The following B3GALT1 variants were observed in gnomAD, a reference collection of about 807,000 sequenced individuals.
B3GALT1 encodes the protein beta-1,3-galactosyltransferase 1, also known as UDP-Gal:betaGlcNAc beta 1,3-galactosyltransferase, polypeptide 1.
A neutral mutation model predicts 23.2 loss-of-function variants in B3GALT1; 10 were observed. The observed-to-expected ratio is 0.43, with a 90% CI of 0.27 to 0.73. The LOEUF (loss-of-function observed/expected upper bound fraction) is 0.73, where lower values mean the gene tolerates loss of function less well. Among genes scored for constraint, B3GALT1 ranks in the 30% least tolerant of loss-of-function variants. The pLI, the probability that B3GALT1 is intolerant of heterozygous loss-of-function variation, is 0.21. For synonymous variants in B3GALT1, 156 were observed against 141.5 expected (o/e 1.10, Z -0.73); for missense variants, 299 against 405.4 (o/e 0.74, Z 2.25).
chr2:167,802,581 G>A (rs549636574), intron 3 of B3GALT1, among the ~76,000 whole-genome samples: 107 of 152,178 alleles, frequency 7.0e-4, no homozygotes, highest in Non-Finnish European at 1.1e-3. Context: ...TTTACTTTGG[G>A]GCTAAGCCTA....
chr2:167,490,389 C>T (rs1699691924), intron 2 of B3GALT1, 112 bp downstream of exon 2: 1 of 152,184 alleles, frequency 6.6e-6, no homozygotes, highest in Non-Finnish European at 1.5e-5. Flanking sequence ...TTGCTTATAG[C>T]TTTGTAGTAT....
chr2:167,362,949 G>A (rs752485417), intron 1 of B3GALT1, among the ~76,000 whole-genome samples: 2 of 152,068 alleles, frequency 1.3e-5, no homozygotes, highest in Admixed American at 6.6e-5. Context: ...TCTGCCACAC[G>A]GGTTCAGGTG....
intron 1 of B3GALT1, among the ~76,000 whole-genome samples, chr2:167,406,992 C>G (rs1327183455): frequency 6.6e-6 from 1 of 151,040 alleles, no homozygotes; most frequent in Admixed American, 6.6e-5. Flanking sequence ...ATCTAATAGG[C>G]CAAACTGGCA....
intron 2 of B3GALT1, among the ~76,000 whole-genome samples, chr2:167,511,478 C>G (rs763969442): frequency 6.6e-6 from 1 of 152,126 alleles, no homozygotes; most frequent in Non-Finnish European, 1.5e-5. Flanking sequence ...TGTAAGTTTC[C>G]TGAGGCCTCC....
intron 4 of B3GALT1, among the ~76,000 whole-genome samples, chr2:167,829,188 A>AAAAT (rs777334156): frequency 2.9e-4 from 44 of 152,224 alleles, no homozygotes; most frequent in Non-Finnish European, 5.1e-4. Context: ...ATTTCTAATA[A>AAAAT]AAATAGATAT....
At chr2:167,601,012 C>CA (rs1395118156) in intron 2 of B3GALT1, among the ~76,000 whole-genome samples, 1 of 152,116 alleles carries the variant, frequency 6.6e-6, no homozygotes, top group East Asian at 1.9e-4. Flanking sequence ...ATTATACCGT[C>CA]AGAGTGTTGT....
At chr2:167,455,510 A>G (rs986601099) in intron 1 of B3GALT1, among the ~76,000 whole-genome samples, 3 of 151,864 alleles carry the variant, frequency 2.0e-5, no homozygotes, top group African/African-American at 2.4e-5. Context: ...TTTTATTTTC[A>G]TTTTTATTTA....
In B3GALT1 at chr2:167,869,774, C is replaced by T. The variant is rs370442606; in HGVS notation, c.735C>T (p.Ala245=). The T allele has an allele frequency of 4.2e-5, 67 of 1,613,988 alleles. No individual in the cohort carries two copies. The highest frequency in any genetic ancestry group is 4.5e-5 in the East Asian group (2 of 44,884). The change falls in exon 5 of 5, where the codon GCC becomes GCT. Residue 245 remains alanine (A), a synonymous_variant. Coordinates refer to ENST00000392690, the MANE Select transcript of B3GALT1 (RefSeq NM_020981.4). This position sits in a 1 kb window ranked among gnomAD's most constrained non-coding sequence, Gnocchi z 6.4. ...FCSGTGYIFS[A]DVAELIYKTS... is the part of the protein sequence containing the mutation. ...CGGGGACTGGCTACATCTTTTCAGCCGATGTAGCTGAACTCATTTACAAGA... is the reference window on the plus strand; with the variant it reads ...CGGGGACTGGCTACATCTTTTCAGCTGATGTAGCTGAACTCATTTACAAGA...
rs970986752 is a variant in B3GALT1 at position 167,504,847 on chromosome 2, A to G, written c.-410+14570A>G. Among the ~76,000 whole-genome samples the G allele has an allele frequency of 5.9e-5, 9 of 152,326 alleles. No individual in the cohort carries two copies. In the East Asian group the frequency reaches 1.7e-3, roughly 29 times the overall value. On this transcript the variant is annotated intron_variant, in intron 2 of 4. Coordinates refer to ENST00000392690, the MANE Select transcript of B3GALT1 (RefSeq NM_020981.4). ...CAACAGACCATATCATAAAGCCTGG[A>G]TATACAGTAGGCTATTCTATCTAGG...
At chr2:167,638,340 A>G (rs934590479) in intron 2 of B3GALT1, among the ~76,000 whole-genome samples, 1 of 152,120 alleles carries the variant, frequency 6.6e-6, no homozygotes, top group African/African-American at 2.4e-5. Context: ...CATAAATGAA[A>G]ACACAGTTTA....
intron 2 of B3GALT1, among the ~76,000 whole-genome samples, chr2:167,565,886 C>G (rs1039724528): frequency 1.3e-5 from 2 of 151,872 alleles, no homozygotes; most frequent in African/African-American, 2.4e-5. Context: ...AATAGGAACA[C>G]TTTTACACTG....
chr2:167,703,289 G>A (rs1686909794), intron 3 of B3GALT1, among the ~76,000 whole-genome samples: 1 of 152,154 alleles, frequency 6.6e-6, no homozygotes, highest in Admixed American at 6.5e-5. Flanking sequence ...GGAATCAACA[G>A]GGCTGCCCTG....
At chr2:167,792,069 CTA>C (rs199593267) in intron 3 of B3GALT1, among the ~76,000 whole-genome samples, 14,448 of 148,108 alleles carry the variant, frequency 0.098, 1,015 homozygotes, top group African/African-American at 0.2. Context: ...AAGTGCAAAT[CTA>C]AAAAAAAAAA....
chr2:167,711,493 G>A (rs1687047787), intron 3 of B3GALT1, among the ~76,000 whole-genome samples: 1 of 152,146 alleles, frequency 6.6e-6, no homozygotes, highest in Non-Finnish European at 1.5e-5. Context: ...ACTACTGACT[G>A]ACAAGAGTAC....
chr2:167,311,145 G>C (rs1293551413), intron 1 of B3GALT1, among the ~76,000 whole-genome samples: 2 of 151,926 alleles, frequency 1.3e-5, no homozygotes, highest in African/African-American at 4.8e-5. Context: ...TTCTTCATTT[G>C]GTTATTGCTT....
At chr2:167,296,870 A>G (rs1696359879) in intron 1 of B3GALT1, among the ~76,000 whole-genome samples, 1 of 152,132 alleles carries the variant, frequency 6.6e-6, no homozygotes, top group South Asian at 2.1e-4. Context: ...CTTATATAGA[A>G]TATTTATCTC....
chr2:167,369,060 T>TG (rs1697636578), intron 1 of B3GALT1, among the ~76,000 whole-genome samples: 4 of 146,868 alleles, frequency 2.7e-5, no homozygotes, highest in African/African-American at 1.0e-4. Context: ...AAAACTCTTA[T>TG]TTGTGTGTGT....
intron 1 of B3GALT1, among the ~76,000 whole-genome samples, chr2:167,446,801 G>A (rs914148476): frequency 6.6e-6 from 1 of 152,110 alleles, no homozygotes; most frequent in Non-Finnish European, 1.5e-5. Context: ...TTTGCGTTGG[G>A]TTCGAACATC....
At chr2:167,630,183 T>C (rs748271833) in intron 2 of B3GALT1, among the ~76,000 whole-genome samples, 1 of 151,790 alleles carries the variant, frequency 6.6e-6, no homozygotes, top group African/African-American at 2.4e-5. Flanking sequence ...ATACACAAAA[T>C]ACACTTACCA....
Sources: gnomAD v4.1 joint callset for allele counts (sites outside exome capture counted in the v4.1 genomes callset) on GRCh38, gnomAD v4.1.1 for gene constraint, Gnocchi (gnomAD v3.1) non-coding constraint, MANE v1.5 for transcripts, NCBI Gene and HGNC (gene_info 2026-07-23, HGNC 2026-07-21) for gene names.